Variants in TMEM259 observed in about 807,000 individuals in gnomAD.
TMEM259 encodes transmembrane protein 259, also known as membralin.
A neutral mutation model predicts 46.7 loss-of-function variants in TMEM259; 26 were observed. That is an observed-to-expected ratio of 0.56 (90% CI 0.41 to 0.77). The LOEUF (loss-of-function observed/expected upper bound fraction) is 0.77. Ranked by LOEUF, TMEM259 falls within the 30% of genes least tolerant of loss-of-function variation. The pLI is 0.00. For synonymous variants in TMEM259, 494 were observed against 395.1 expected, an observed-to-expected ratio of 1.25 and a Z score of -2.97; for missense variants, 930 against 900.5, an observed-to-expected ratio of 1.03 and a Z score of -0.42.
chr19:1,018,666 C>T (rs1023400538), intron 1 of TMEM259, among the ~76,000 whole-genome samples: 13 of 152,122 alleles, frequency 8.5e-5, no homozygotes, highest in Admixed American at 2.0e-4. Context: ...ACCAGATTAC[C>T]GGGTGGAAAA....
rs774820642 is a variant in TMEM259, at chr19:1,010,629, G to A, written c.1584C>T (p.Ala528=). ...AAPSSLVAAA[A]SVAAAAGGDL... ...CACCACCGGCAGCTGCTGCCACTGA[G>A]GCTGCCGCGGCCACCAGGGAGCTGG... is the stretch of plus-strand genomic sequence containing the variant. The change falls in exon 11 of 11, where the codon GCC becomes GCT. Residue 528 remains alanine (A), a synonymous_variant. Coordinates refer to ENST00000356663, the MANE Select transcript of TMEM259 (RefSeq NM_001033026.2). 4 of 1,545,498 alleles carry A rather than the reference G, an allele frequency of 2.6e-6. No homozygotes were observed. The highest frequency in any genetic ancestry group is 3.5e-6 in the Non-Finnish European group (4 of 1,148,802).
At chr19:1,017,212 C>A (rs940747585) in intron 1 of TMEM259, 11 of 399,964 alleles carry the variant, frequency 2.8e-5, no homozygotes, top group Non-Finnish European at 4.8e-5. Flanking sequence ...CTCACCAGGC[C>A]CGGCCCTGAG....
At chr19:1,011,520 G>C (rs774412174) in intron 8 of TMEM259, 21 bp from the exon 9 acceptor site, 6 of 1,542,834 alleles carry the variant, frequency 3.9e-6, no homozygotes, top group South Asian at 2.4e-5. Context: ...AGGCGGCGCC[G>C]GTTGAAGCGG....
In TMEM259 at chr19:1,012,056, C is replaced by A; in HGVS notation, c.841+10G>T. The A allele has an allele frequency of 6.2e-7, 1 of 1,612,106 alleles. No homozygotes were observed. Among genetic ancestry groups the A allele is most frequent in the Non-Finnish European group, 8.5e-7 (1 of 1,179,466 alleles). On this transcript the variant is annotated intron_variant, in intron 5 of 10. Transcript: ENST00000356663. ...CGCCCTCGCACCCTCGGCCCCGGGG[C>A]ATGCCTCACCCTTGTTCTCCTCGTT...
At position 1,010,682 on chromosome 19, in the gene TMEM259, C is replaced by T. The variant is rs749847410; in HGVS notation, c.1531G>A (p.Gly511Arg). Residue 511 changes from glycine to arginine, a missense_variant, in exon 11 of 11, where the codon GGG becomes AGG. Gly to Arg is a moderately radical substitution (Grantham distance 125). Coordinates refer to ENST00000356663, the MANE Select transcript of TMEM259 (RefSeq NM_001033026.2). ...ALGPVSPGAS[G>R]SPGPVAAAPS... The stretch of plus-strand genomic sequence containing the variant: ...GCCGCTGCCACAGGCCCGGGACTCC[C>T]GCTGGCCCCAGGCGAGACGGGGCCC... The T allele has an allele frequency of 4.6e-5, 70 of 1,532,816 alleles. No homozygotes were observed. Among genetic ancestry groups the T allele is most frequent in the Non-Finnish European group, 5.6e-5 (64 of 1,145,310 alleles). The allele number at this position is 1,532,816 out of a possible 1,614,324, so 95.0% of individuals were successfully genotyped here. A position where few individuals can be genotyped will look rare whatever the true frequency, so the allele number is the denominator to read the frequency against.
At chr19:1,019,951 G>A (rs368910132) in intron 1 of TMEM259, among the ~76,000 whole-genome samples, 11 of 152,178 alleles carry the variant, frequency 7.2e-5, no homozygotes, top group African/African-American at 2.2e-4. Context: ...TCAGGCCGAT[G>A]CCTGTCCTGC....
At chr19:1,010,970 A>T in intron 10 of TMEM259, 75 bp from the exon 11 acceptor site, 1 of 1,548,880 alleles carries the variant, frequency 6.5e-7, no homozygotes, top group South Asian at 1.2e-5. Flanking sequence ...AGGGCAGCCC[A>T]CCCGGGACCA....
In TMEM259 at chr19:1,011,286, G is replaced by GCC; in HGVS notation, c.1217+79_1217+80dup. On this transcript the variant is annotated intron_variant, in intron 9 of 10. Coordinates refer to ENST00000356663, the MANE Select transcript of TMEM259 (RefSeq NM_001033026.2). ...CCCGCGTGGCGCAGCCACCACCCCC[G>GCC]CCTCCAGCGCCCCTCCCTCTGGCAG... 2.0e-6 allele frequency: 3 copies of GCC among 1,535,894 alleles called. 1 individual carries two copies. The highest frequency in any genetic ancestry group is 2.6e-6 in the Non-Finnish European group (3 of 1,142,272).
chr19:1,010,101 T>A lies in TMEM259; in HGVS notation c.*249A>T. On this transcript the variant is annotated 3_prime_UTR_variant, in exon 11 of 11. Coordinates refer to ENST00000356663, the MANE Select transcript of TMEM259 (RefSeq NM_001033026.2). The stretch of plus-strand genomic sequence containing the variant: ...GACCTACCAAGACCCCTCCAGAACC[T>A]TCCGCGGAACCCCACCCCCTCTCCT... The A allele has an allele frequency of 2.0e-6, 1 of 490,462 alleles. No homozygotes were observed. The highest frequency in any genetic ancestry group is 3.6e-6 in the Non-Finnish European group (1 of 281,014). 30.4% of individuals were successfully genotyped at this position (490,462 alleles called of 1,614,324 possible).
intron 2 of TMEM259, 168 bp from the exon 3 acceptor site, chr19:1,013,508 C>G (rs1363819862): frequency 1.6e-6 from 1 of 606,368 alleles, no homozygotes; most frequent in Non-Finnish European, 2.9e-6. Context: ...GCTGGGACCC[C>G]ACCTCAACAC....
At position 1,011,206 on chromosome 19, in the gene TMEM259, G is replaced by T. The variant is rs766794384; in HGVS notation, c.1218-11C>A. The T allele has an allele frequency of 2.5e-6, 4 of 1,581,322 alleles. No homozygotes were observed. The highest frequency in any genetic ancestry group is 2.3e-5 in the East Asian group (1 of 42,892). On this transcript the variant is annotated splice_polypyrimidine_tract_variant and intron_variant, in intron 9 of 10. Transcript: ENST00000356663. ...TAGAGATAGAAGAACCTGCGGGGCG[G>T]GGTGAGGGCGTCGGGGCTGCAGGTC...
rs13160 is a variant in TMEM259, at chr19:1,009,915, A to G, written c.*435T>C. On this transcript the variant is annotated 3_prime_UTR_variant, in exon 11 of 11. Transcript: ENST00000356663. ...GCGCACACGCGGGGAGGGCGGGGCC[A>G]TGGAGAAGGCACTGCAGGGAGCACC... The G allele has an allele frequency of 0.11, 37,942 of 336,416 alleles. 2,412 individuals are homozygous for G. Among genetic ancestry groups the G allele is most frequent in the Non-Finnish European group, 0.13 (24,165 of 184,870 alleles). The allele number at this position is 336,416 out of a possible 1,614,324, so 20.8% of individuals were successfully genotyped here.
intron 1 of TMEM259, 107 bp from the exon 2 acceptor site, chr19:1,014,580 G>C: frequency 1.5e-6 from 2 of 1,303,286 alleles, no homozygotes; most frequent in Non-Finnish European, 2.1e-6. Flanking sequence ...GCCCAGGACG[G>C]GGAAAGGAAG....
intron 2 of TMEM259, among the ~76,000 whole-genome samples, chr19:1,013,935 C>G (rs1015296720): frequency 6.6e-6 from 1 of 152,194 alleles, no homozygotes; most frequent in Non-Finnish European, 1.5e-5. Flanking sequence ...CTCAAAGGCC[C>G]GAGTCTGCCC....
rs183246851 is a variant in TMEM259 at position 1,010,040 on chromosome 19, T to G, written c.*310A>C. The G allele has an allele frequency of 3.8e-3, 1,452 of 385,954 alleles. 4 individuals are homozygous for G. The highest frequency in any genetic ancestry group is 0.018 in the Middle Eastern group (27 of 1,488). The allele number at this position is 385,954 out of a possible 1,614,324, so 23.9% of individuals were successfully genotyped here. On this transcript the variant is annotated 3_prime_UTR_variant, in exon 11 of 11. Coordinates refer to ENST00000356663, the MANE Select transcript of TMEM259 (RefSeq NM_001033026.2). ...CCGCCTTGCTCAGAGACCTGCACCA[T>G]GGGACCCCACTCCATCCTCAGGACG...
chr19:1,012,594 C>T (rs751852417), intron 3 of TMEM259, 21 bp from the exon 4 acceptor site: 2 of 1,556,628 alleles, frequency 1.3e-6, no homozygotes, highest in Non-Finnish European at 1.7e-6. Context: ...GAACCAGGGA[C>T]CAGGTCAGCG....
At position 1,012,573 on chromosome 19, in the gene TMEM259, A is replaced by G. The variant is rs1282185557; in HGVS notation, c.608T>C (p.Val203Ala). 1.3e-6 allele frequency: 2 copies of G among 1,575,416 alleles called. No homozygotes were observed. The highest frequency in any genetic ancestry group is 1.7e-6 in the Non-Finnish European group (2 of 1,161,340). Residue 203 changes from valine (V) to alanine (A), a missense_variant and splice_region_variant, in exon 4 of 11, where the codon GTG becomes GCG. Physicochemically the swap from Val to Ala is moderately conservative, Grantham distance 64. Transcript: ENST00000356663. Reference protein sequence around the residue: ...EFPFPETPTKVWPQDEYIVEY... With the variant: ...EFPFPETPTKAWPQDEYIVEY... ...CACGATGTACTCGTCCTGCGGCCAC[A>G]CTGCAGGGCAGAACCAGGGACCAGG... is the stretch of plus-strand genomic sequence containing the variant.
In TMEM259 at chr19:1,011,453, G is replaced by T; in HGVS notation, c.1131C>A (p.Ala377=). ...GCCACACGATGAGGATGATGTAGAA[G>T]GCGGTGGTGGTGTCGTTGAAGAACT... ...MSEFFNDTTT[A]FYIILIVWLA... Residue 377 remains alanine, a synonymous_variant, in exon 9 of 11, where the codon GCC becomes GCA. Transcript: ENST00000356663. 6.4e-7 allele frequency: 1 copy of T among 1,561,974 alleles called. No homozygotes were observed. The highest frequency in any genetic ancestry group is 8.7e-7 in the Non-Finnish European group (1 of 1,153,586).
chr19:1,018,374 G>C (rs1218321363), intron 1 of TMEM259, among the ~76,000 whole-genome samples: 1 of 152,068 alleles, frequency 6.6e-6, no homozygotes, highest in African/African-American at 2.4e-5. Flanking sequence ...AGAGCTGGGA[G>C]ATCCTGGCAT....
Sources: gnomAD v4.1 joint callset for allele counts (sites outside exome capture counted in the v4.1 genomes callset) on GRCh38, gnomAD v4.1.1 for gene constraint, MANE v1.5 for transcripts, NCBI Gene and HGNC (gene_info 2026-07-23, HGNC 2026-07-21) for gene names.